Variants in FHIT observed in about 807,000 individuals in gnomAD.
The protein encoded by FHIT is fragile histidine triad diadenosine triphosphatase.
FHIT carries 19 observed loss-of-function variants against 17.9 expected under a neutral mutation model. The observed-to-expected ratio is 1.06, with a 90% confidence interval of 0.74 to 1.56. The LOEUF is 1.56. Ranked by LOEUF, FHIT falls within the 40% of genes most tolerant of loss-of-function variation. The pLI, the probability that FHIT is intolerant of heterozygous loss-of-function variation, is 0.00. For missense variants in FHIT, 248 were observed against 189.2 expected (o/e 1.31, Z -1.82); for synonymous variants, 81 against 69.7 (o/e 1.16, Z -0.81).
At chr3:60,786,187 C>T (rs1200648824) in intron 4 of FHIT, among the ~76,000 whole-genome samples, 2 of 152,290 alleles carry the variant, frequency 1.3e-5, no homozygotes, top group South Asian at 2.1e-4. Context: ...ACAACTTGAA[C>T]TTAGCCAAGT....
intron 4 of FHIT, among the ~76,000 whole-genome samples, chr3:60,729,378 G>T (rs782741092): frequency 6.6e-6 from 1 of 152,170 alleles, no homozygotes; most frequent in Non-Finnish European, 1.5e-5. Context: ...GACAAAAAAT[G>T]GTTGTATGCG....
intron 5 of FHIT, among the ~76,000 whole-genome samples, chr3:60,454,878 T>C (rs2031988590): frequency 6.6e-6 from 1 of 151,784 alleles, no homozygotes; most frequent in African/African-American, 2.4e-5. Context: ...GGCACAGAGA[T>C]TTTTAAGTCA....
intron 5 of FHIT, among the ~76,000 whole-genome samples, chr3:60,034,675 T>C (rs921577397): frequency 7.2e-5 from 11 of 152,226 alleles, no homozygotes; most frequent in African/African-American, 2.4e-4. Flanking sequence ...ACTGTTATAA[T>C]GGTAATAAAA....
intron 3 of FHIT, among the ~76,000 whole-genome samples, chr3:60,925,260 G>C (rs1707526456): frequency 6.6e-6 from 1 of 152,178 alleles, no homozygotes; most frequent in African/African-American, 2.4e-5. Flanking sequence ...ATAATTGTCA[G>C]ATTCAACAAA....
chr3:60,107,496 G>A (rs916667780), intron 5 of FHIT, among the ~76,000 whole-genome samples: 1 of 152,124 alleles, frequency 6.6e-6, no homozygotes, highest in African/African-American at 2.4e-5. Flanking sequence ...TCCACAGAGG[G>A]AACATGATGG....
At chr3:60,523,890 G>A (rs547200559) in intron 5 of FHIT, among the ~76,000 whole-genome samples, 4 of 152,278 alleles carry the variant, frequency 2.6e-5, no homozygotes, top group African/African-American at 9.6e-5. Context: ...CTCCAAGCAT[G>A]TGTTCATGTG....
intron 5 of FHIT, among the ~76,000 whole-genome samples, chr3:60,400,580 G>A (rs1340778220): frequency 6.6e-6 from 1 of 152,156 alleles, no homozygotes; most frequent in African/African-American, 2.4e-5. Context: ...CCAAGGGGAA[G>A]AGCTGAGCAG....
intron 7 of FHIT, among the ~76,000 whole-genome samples, chr3:59,986,578 C>CACACACACACACATATAT (rs1559523872): frequency 1.9e-4 from 11 of 58,360 alleles, no homozygotes; most frequent in African/African-American, 1.0e-3. Context: ...CATATATACA[C>CACACACACACACATATAT]ACACACACAC....
intron 5 of FHIT, among the ~76,000 whole-genome samples, chr3:60,469,931 T>G (rs538058514): frequency 1.0e-3 from 152 of 152,224 alleles, no homozygotes; most frequent in African/African-American, 3.6e-3. Context: ...GTGGTGGTCT[T>G]GGGTAACTTC....
At chr3:60,642,037 T>C (rs2039737379) in intron 4 of FHIT, among the ~76,000 whole-genome samples, 1 of 152,058 alleles carries the variant, frequency 6.6e-6, no homozygotes, top group South Asian at 2.1e-4. Flanking sequence ...TGCTACAGCC[T>C]TGAAGGGACA....
intron 4 of FHIT, among the ~76,000 whole-genome samples, chr3:60,569,734 T>TATATATATATAC (rs1553654730): frequency 3.2e-4 from 14 of 44,110 alleles, no homozygotes; most frequent in African/African-American, 7.5e-4. Flanking sequence ...ACTATATATA[T>TATATATATATAC]ATATATATAT....
intron 5 of FHIT, among the ~76,000 whole-genome samples, chr3:60,408,665 GTCAGTCA>G (rs1701960256): frequency 6.6e-6 from 1 of 152,082 alleles, no homozygotes; most frequent in Non-Finnish European, 1.5e-5. Context: ...GAAAATGAAG[GTCAGTCA>G]TCTGGGCCAA....
intron 1 of FHIT, among the ~76,000 whole-genome samples, chr3:61,233,397 A>G (rs1479473916): frequency 6.6e-6 from 1 of 152,236 alleles, no homozygotes; most frequent in Non-Finnish European, 1.5e-5. Flanking sequence ...TACACTGTAA[A>G]ACATATACCG....
intron 4 of FHIT, among the ~76,000 whole-genome samples, chr3:60,696,459 G>C (rs1193456846): frequency 6.6e-6 from 1 of 152,146 alleles, no homozygotes; most frequent in African/African-American, 2.4e-5. Flanking sequence ...TGCTTGCCAT[G>C]CAAAATTGCC....
At chr3:59,978,807 G>A (rs1708525006) in intron 7 of FHIT, among the ~76,000 whole-genome samples, 1 of 151,570 alleles carries the variant, frequency 6.6e-6, no homozygotes, top group Non-Finnish European at 1.5e-5. Flanking sequence ...AATGGGATCT[G>A]GGACCTTAAA....
In FHIT at chr3:59,752,274, C is replaced by T. The variant is rs765351143; in HGVS notation, c.396G>A (p.Glu132=). Residue 132 remains glutamate (E), a synonymous_variant, in exon 9 of 10, where the codon GAG becomes GAA. Coordinates refer to ENST00000492590, the MANE Select transcript of FHIT (RefSeq NM_002012.4). ...CTGCGGCTTCTGCTGCCATTTCCTC[C>T]TCTGATCTCCAAGAGGCAGGAAAGT... ...KEDFPASWRS[E]EEMAAEAAAL... 7 of 1,613,184 alleles carry T rather than the reference C, an allele frequency of 4.3e-6. No homozygotes were observed. The Admixed American group carries it at 1.0e-4, about 23-fold the overall frequency.
At chr3:60,321,021 A>G (rs2106804177) in intron 5 of FHIT, among the ~76,000 whole-genome samples, 1 of 152,328 alleles carries the variant, frequency 6.6e-6, no homozygotes, top group East Asian at 1.9e-4. Flanking sequence ...AGAAAACAGT[A>G]AAAGGTCTTT....
intron 4 of FHIT, among the ~76,000 whole-genome samples, chr3:60,770,305 T>C (rs1553722737): frequency 1.3e-5 from 2 of 152,090 alleles, no homozygotes; most frequent in Admixed American, 1.3e-4. Context: ...TGATATTTGG[T>C]ACCAAGAAAG....
At chr3:60,453,196 ATTT>A (rs10718750) in intron 5 of FHIT, among the ~76,000 whole-genome samples, 1 of 149,074 alleles carries the variant, frequency 6.7e-6, no homozygotes, top group Admixed American at 6.7e-5. Context: ...GCCTGAGCAG[ATTT>A]TTTTTTTTTT....
Sources: gnomAD v4.1 joint callset for allele counts (sites outside exome capture counted in the v4.1 genomes callset) on GRCh38, gnomAD v4.1.1 for gene constraint, MANE v1.5 for transcripts, NCBI Gene and HGNC (gene_info 2026-07-23, HGNC 2026-07-21) for gene names.